The following CELF2 variants were observed in gnomAD, a reference collection of about 807,000 sequenced individuals.
CELF2 encodes CUG triplet repeat RNA-binding protein 2.
A neutral mutation model predicts 62.6 loss-of-function variants in CELF2; 8 were observed. The observed-to-expected ratio is 0.13, with a 90% CI of 0.07 to 0.23. CELF2 has a LOEUF of 0.23. Among genes scored for constraint, CELF2 ranks in the 10% least tolerant of loss-of-function variants. The pLI is 1.00. For synonymous variants in CELF2, 258 were observed against 250.0 expected (o/e 1.03, Z -0.30); for missense variants, 333 against 671.0 (o/e 0.50, Z 5.56).
chr10:10,940,315 A>C (rs533921682), intron 2 of CELF2, among the ~76,000 whole-genome samples: 12 of 152,162 alleles, frequency 7.9e-5, no homozygotes, highest in Non-Finnish European at 1.5e-4. Flanking sequence ...ATCAGTTCCC[A>C]GTGTTCTGGG....
chr10:10,651,741 C>T, the CELF2 span, among the ~76,000 whole-genome samples: 1 of 151,618 alleles, frequency 6.6e-6, no homozygotes, highest in Admixed American at 6.6e-5. Context: ...CATCAAAGAC[C>T]AAAAGTAGAT....
In CELF2 at chr10:11,292,411, AT is replaced by A. The variant is rs1376088514; in HGVS notation, c.976+3860del. On this transcript the variant is annotated intron_variant, in intron 9 of 12. Coordinates refer to ENST00000633077, the MANE Select transcript of CELF2 (RefSeq NM_001326342.2). The stretch of plus-strand genomic sequence containing the variant: ...GAAATGAGAATTCACCCTTGAAGTT[AT>A]CCTGTGGCCTTTCCATTGACAGGGG... Among the ~76,000 whole-genome samples, 6 of 152,246 alleles carry A rather than the reference AT, an allele frequency of 3.9e-5. No homozygotes were observed. The South Asian group carries it at 6.2e-4, about 16-fold the overall frequency.
rs781033026 is a variant in CELF2, at chr10:11,290,136, G to A, written c.976+1584G>A. On this transcript the variant is annotated intron_variant, in intron 9 of 12. Transcript: ENST00000633077. This position sits in a 1 kb window ranked among gnomAD's most constrained non-coding sequence, Gnocchi z 4.3. ...AACTCAAAAATCATATCCCAAAAGC[G>A]CTTTGTGGTGTGAGCAGGACAGATG... Among the ~76,000 whole-genome samples the A allele has an allele frequency of 1.8e-4, 28 of 152,164 alleles. No homozygotes were observed. Among genetic ancestry groups the A allele is most frequent in the Admixed American group, 3.9e-4 (6 of 15,278 alleles).
Position 11,328,799 on chromosome 10 carries a change from G to A in CELF2, c.1439-127G>A. ...GTGGACTCACGATCAGTTCCGCAGA[G>A]CTGTGCTGGGCCCGTGGGGCTGGCA... On this transcript the variant is annotated intron_variant, in intron 12 of 12. Transcript: ENST00000633077. The surrounding 1 kb of genome is among the most constrained non-coding windows in gnomAD (Gnocchi z 6.4). 9.5e-7 allele frequency: 1 copy of A among 1,048,170 alleles called. No homozygotes were observed. The highest frequency in any genetic ancestry group is 1.4e-6 in the Non-Finnish European group (1 of 732,064). The allele number at this position is 1,048,170 out of a possible 1,614,324, so 64.9% of individuals were successfully genotyped here.
Position 11,145,658 on chromosome 10 carries a change from C to T in CELF2, c.75-19828C>T, listed in dbSNP as rs992064314. ...AGGTTGTAGCACTCTGTGCAGGGCTCCCTTCAAGCTGAATGTAGAACAACT... is the reference window on the plus strand; with the variant it reads ...AGGTTGTAGCACTCTGTGCAGGGCTTCCTTCAAGCTGAATGTAGAACAACT... On this transcript the variant is annotated intron_variant, in intron 1 of 12. Coordinates refer to ENST00000633077, the MANE Select transcript of CELF2 (RefSeq NM_001326342.2). This position sits in a 1 kb window ranked among gnomAD's most constrained non-coding sequence, Gnocchi z 4.3. Among the ~76,000 whole-genome samples the T allele has an allele frequency of 4.6e-5, 7 of 152,236 alleles. No homozygotes were observed. Among genetic ancestry groups the T allele is most frequent in the African/African-American group, 1.7e-4 (7 of 41,532 alleles).
At chr10:11,258,246 C>T (rs1279644296) in intron 5 of CELF2, among the ~76,000 whole-genome samples, 1 of 152,170 alleles carries the variant, frequency 6.6e-6, no homozygotes, top group African/African-American at 2.4e-5. Context: ...GGCTTCCTGC[C>T]TGTGCCTGAA....
the CELF2 span, among the ~76,000 whole-genome samples, chr10:10,635,540 T>C: frequency 6.6e-6 from 1 of 152,214 alleles, no homozygotes; most frequent in Non-Finnish European, 1.5e-5. Flanking sequence ...AGGGGGTGGC[T>C]ATCTTTAATT....
the CELF2 span, among the ~76,000 whole-genome samples, chr10:10,607,476 A>C: frequency 6.6e-6 from 1 of 152,154 alleles, no homozygotes; most frequent in African/African-American, 2.4e-5. Context: ...ATAGAAACCC[A>C]TTCTAAAAAA....
the CELF2 span, among the ~76,000 whole-genome samples, chr10:10,679,577 A>G: frequency 0.022 from 3,287 of 152,318 alleles, 109 homozygotes; most frequent in African/African-American, 0.074. Flanking sequence ...GGTGTAAGCC[A>G]CCATGCCTGG....
At chr10:10,659,578 C>T in the CELF2 span, among the ~76,000 whole-genome samples, 1 of 152,150 alleles carries the variant, frequency 6.6e-6, no homozygotes, top group East Asian at 1.9e-4. Context: ...CTAGTTCATA[C>T]CTTACCTGTC....
rs147895196 is a variant in CELF2, at chr10:10,908,488, A to G, written c.54-11476A>G. On this transcript the variant is annotated intron_variant, in intron 1 of 13. Coordinates refer to the CELF2 transcript ENST00000636488. ...GCCCGCCTCGGCCTCCCAAAGTGCT[A>G]GGATTACAGGCATGAGCCACCGCGC... Among the ~76,000 whole-genome samples, 9 of 151,844 alleles carry G rather than the reference A, an allele frequency of 5.9e-5. No individual in the cohort carries two copies. The East Asian group carries it at 7.8e-4, about 13-fold the overall frequency.
At chr10:10,869,072 A>G (rs1247612640) in intron 1 of CELF2, among the ~76,000 whole-genome samples, 1 of 152,220 alleles carries the variant, frequency 6.6e-6, no homozygotes, top group African/African-American at 2.4e-5. Context: ...TAGAAAGCAA[A>G]AACTTTTTTT....
the CELF2 span, among the ~76,000 whole-genome samples, chr10:10,708,326 G>T: frequency 4.6e-5 from 7 of 152,168 alleles, no homozygotes; most frequent in Non-Finnish European, 1.0e-4. Flanking sequence ...CCAAGAAGGT[G>T]AATGGCTTCC....
At chr10:10,740,153 C>CTTTTTTTTTTTTTTTTT in the CELF2 span, among the ~76,000 whole-genome samples, 1 of 94,488 alleles carries the variant, frequency 1.1e-5, no homozygotes, top group Non-Finnish European at 1.9e-5. Context: ...GTTGCCTGTG[C>CTTTTTTTTTTTTTTTTT]TTTTTTTTTT....
At chr10:11,004,087 G>A (rs1209688214), upstream of CELF2, among the ~76,000 whole-genome samples, 2 of 152,180 alleles carry the variant, frequency 1.3e-5, no homozygotes, top group Non-Finnish European at 2.9e-5. The surrounding 1 kb of genome is among the most constrained non-coding windows in gnomAD (Gnocchi z 5.0). Flanking sequence ...TCAAGACCAA[G>A]TTCAGAGGTC....
intron 3 of CELF2, among the ~76,000 whole-genome samples, chr10:11,238,623 A>G (rs1327906404): frequency 6.6e-6 from 1 of 152,262 alleles, no homozygotes; most frequent in African/African-American, 2.4e-5. Flanking sequence ...AAACACAGTG[A>G]CAGTACCTTC....
At chr10:10,761,927 TGTG>T in the CELF2 span, among the ~76,000 whole-genome samples, 4 of 150,852 alleles carry the variant, frequency 2.7e-5, no homozygotes, top group African/African-American at 9.8e-5. Context: ...TGTGTGTGTG[TGTG>T]TGTGTGTGTG....
chr10:10,696,938 G>A, the CELF2 span, among the ~76,000 whole-genome samples: 23 of 152,262 alleles, frequency 1.5e-4, no homozygotes, highest in South Asian at 4.2e-4. Flanking sequence ...GAAATCACCC[G>A]TCTTCTGCGT....
the CELF2 span, among the ~76,000 whole-genome samples, chr10:10,521,898 T>C: frequency 6.6e-6 from 1 of 152,332 alleles, no homozygotes; most frequent in Middle Eastern, 3.4e-3. Context: ...CTCTACATAC[T>C]CATGACATCC....
Sources: allele counts gnomAD v4.1 joint callset (sites outside exome capture counted in the v4.1 genomes callset), GRCh38; gene constraint gnomAD v4.1.1; non-coding constraint Gnocchi (gnomAD v3.1); transcripts MANE v1.5; gene names NCBI Gene and HGNC (gene_info 2026-07-23, HGNC 2026-07-21).